The following RFPL2 variants were observed in gnomAD, a reference collection of about 807,000 sequenced individuals.
The protein encoded by RFPL2 is ret finger protein like 2.
In RFPL2, 13 loss-of-function variants were observed where a neutral mutation model predicts 17.8. That is an observed-to-expected ratio of 0.73 (90% confidence interval 0.47 to 1.16). The LOEUF is 1.16. Ranked by LOEUF, RFPL2 falls within the 50% of genes most tolerant of loss-of-function variation. RFPL2 has a pLI of 0.00. For missense variants in RFPL2, 431 were observed against 479.3 expected, an observed-to-expected ratio of 0.90 and a Z score of 0.94; for synonymous variants, 189 against 180.9, an observed-to-expected ratio of 1.04 and a Z score of -0.36.
intron 2 of RFPL2, among the ~76,000 whole-genome samples, chr22:32,194,890 A>G (rs1363830014): frequency 2.0e-5 from 3 of 152,208 alleles, no homozygotes; most frequent in African/African-American, 7.2e-5. Context: ...CTTTGAAAAA[A>G]TTTCATAATT....
At position 32,191,299 on chromosome 22, in the gene RFPL2, C is replaced by G. The variant is rs142520857; in HGVS notation, c.610G>C (p.Asp204His). 1 of 1,613,738 alleles carries G rather than the reference C, an allele frequency of 6.2e-7. No homozygotes were observed. Among genetic ancestry groups the G allele is most frequent in the Non-Finnish European group, 8.5e-7 (1 of 1,179,776 alleles). The change falls in exon 5 of 5, where the codon GAC (aspartate) becomes CAC (histidine). Residue 204 changes from aspartate to histidine, a missense_variant. By Grantham distance (81) the Asp-to-His change is moderately conservative. Coordinates refer to ENST00000652607, the MANE Select transcript of RFPL2 (RefSeq NM_001394555.1). ...CGCCCACTTCGGACGCTCCTGAGGTCGTCAGAAATGAGGAGGAAGTTGTTG... is the reference window on the plus strand; with the variant it reads ...CGCCCACTTCGGACGCTCCTGAGGTGGTCAGAAATGAGGAGGAAGTTGTTG... The part of the protein sequence containing the change: ...TANNFLLISD[D>H]LRSVRSGRIR...
At chr22:32,199,175 C>T (rs534772105) in intron 2 of RFPL2, among the ~76,000 whole-genome samples, 2 of 152,200 alleles carry the variant, frequency 1.3e-5, no homozygotes, top group South Asian at 4.2e-4. Context: ...TCTGTGCTGG[C>T]CTGGGACTCA....
chr22:32,202,793 A>G, intron 1 of RFPL2: 1 of 1,084,456 alleles, frequency 9.2e-7, no homozygotes. Context: ...AAGCAGGAGC[A>G]GCAGAAACTC....
intron 2 of RFPL2, among the ~76,000 whole-genome samples, chr22:32,196,961 G>A (rs1238234154): frequency 6.6e-6 from 1 of 152,192 alleles, no homozygotes; most frequent in East Asian, 1.9e-4. Context: ...GGTTTGAGAT[G>A]TTCCATATTT....
chr22:32,194,395 A>G lies in RFPL2; in HGVS notation c.215T>C (p.Leu72Pro). Residue 72 changes from leucine to proline, a missense_variant, in exon 3 of 5, where the codon CTG (leucine) becomes CCG (proline). Coordinates refer to ENST00000652607, the MANE Select transcript of RFPL2 (RefSeq NM_001394555.1). ...RPSCAPSPQDLSAQWKQLEDR... is the reference protein window; with the variant it reads ...RPSCAPSPQDPSAQWKQLEDR... Reference sequence around the variant, plus strand: ...CTCCAGCTGCTTCCACTGGGCGCTCAGGTCTTGTGGGGAAGGGGCACACGA... The same window carrying G: ...CTCCAGCTGCTTCCACTGGGCGCTCGGGTCTTGTGGGGAAGGGGCACACGA... 6.2e-7 allele frequency: 1 copy of G among 1,607,508 alleles called. No individual in the cohort carries two copies. The highest frequency in any genetic ancestry group is 8.5e-7 in the Non-Finnish European group (1 of 1,178,332).
rs113173037 is a variant in RFPL2, at chr22:32,198,496, G to A, written c.119+3837C>T. Among the ~76,000 whole-genome samples the A allele has an allele frequency of 5.8e-3, 869 of 149,182 alleles. 9 individuals carry two copies. The highest frequency in any genetic ancestry group is 0.019 in the African/African-American group (785 of 40,886). ...GCAAGTGGGGGCTGGGGAGGGGGGC[G>A]TAGGGGGTCCTAGGGAGTAGATTTT... On this transcript the variant is annotated intron_variant, in intron 2 of 4. Coordinates refer to ENST00000652607, the MANE Select transcript of RFPL2 (RefSeq NM_001394555.1).
In RFPL2 at chr22:32,202,835, G is replaced by C. The variant is rs574163566; in HGVS notation, c.-99-285C>G. Reference sequence around the variant, plus strand: ...AGCCAGCCCTCCCCACCCAAGTGCCGGTTCCCGTTCCTGATGCCTCCTCCA... The same window carrying C: ...AGCCAGCCCTCCCCACCCAAGTGCCCGTTCCCGTTCCTGATGCCTCCTCCA... On this transcript the variant is annotated intron_variant, in intron 1 of 4. Transcript: ENST00000652607. The C allele has an allele frequency of 1.1e-4, 121 of 1,056,646 alleles. 1 individual carries two copies. The South Asian group carries it at 3.5e-3, about 31-fold the overall frequency. 65.5% of individuals were successfully genotyped at this position (1,056,646 alleles called of 1,614,324 possible).
In RFPL2 at chr22:32,195,701, G is replaced by A. The variant is rs62239004; in HGVS notation, c.120-1211C>T. Among the ~76,000 whole-genome samples, 930 of 151,474 alleles carry A rather than the reference G, an allele frequency of 6.1e-3. 5 individuals are homozygous for A. The highest frequency in any genetic ancestry group is 9.6e-3 in the Non-Finnish European group (653 of 67,856). On this transcript the variant is annotated intron_variant, in intron 2 of 4. Transcript: ENST00000652607. Reference sequence around the variant, plus strand: ...TTGAACTCCTGACTTCAGGTAACCCGCCCGCCTTGGCCTCCCAAAATGCTG... The same window carrying A: ...TTGAACTCCTGACTTCAGGTAACCCACCCGCCTTGGCCTCCCAAAATGCTG...
chr22:32,201,230 G>A (rs1923890723), intron 2 of RFPL2, among the ~76,000 whole-genome samples: 1 of 152,004 alleles, frequency 6.6e-6, no homozygotes, highest in African/African-American at 2.4e-5. Context: ...AGTAGAGACG[G>A]GGTTTCACCA....
chr22:32,199,556 G>T (rs995913257), intron 2 of RFPL2, among the ~76,000 whole-genome samples: 4 of 152,196 alleles, frequency 2.6e-5, no homozygotes, highest in Non-Finnish European at 2.9e-5. Context: ...GGTGAGAAAA[G>T]TTCCCAGACT....
At chr22:32,202,636 C>T in intron 1 of RFPL2, 86 bp from the exon 2 acceptor site, 2 of 1,418,844 alleles carry the variant, frequency 1.4e-6, no homozygotes, top group Non-Finnish European at 1.8e-6. Context: ...AGCGAAGGTA[C>T]TCACACCCAC....
At chr22:32,202,309 G>A (rs756058612) in intron 2 of RFPL2, 24 bp downstream of exon 2, 12 of 1,570,426 alleles carry the variant, frequency 7.6e-6, no homozygotes, top group East Asian at 4.7e-5. Flanking sequence ...GGAGCAATGC[G>A]GAAAACCCAG....
chr22:32,193,584 G>T lies in RFPL2; in HGVS notation c.266-392C>A, dbSNP rs996105973. On this transcript the variant is annotated intron_variant, in intron 3 of 4. Transcript: ENST00000652607. ...CATAAGAATTAGGGGCTGGGAGGCC[G>T]GGCACGATGGCTCATGCCTGTCCAG... 5.3e-5 allele frequency: 54 copies of T among 1,016,758 alleles called. No homozygotes were observed. In the Middle Eastern group the frequency reaches 1.2e-3, roughly 22 times the overall value. 63.0% of individuals were successfully genotyped at this position (1,016,758 alleles called of 1,614,324 possible).
At chr22:32,197,846 C>G (rs984837718) in intron 2 of RFPL2, among the ~76,000 whole-genome samples, 17 of 152,176 alleles carry the variant, frequency 1.1e-4, no homozygotes, top group African/African-American at 4.1e-4. Context: ...TTAGAGATCA[C>G]ACTCCGGCTG....
chr22:32,193,107 T>G lies in RFPL2; in HGVS notation c.351A>C (p.Gly117=), dbSNP rs1341296076. 1 of 1,613,936 alleles carries G rather than the reference T, an allele frequency of 6.2e-7. No individual in the cohort carries two copies. The highest frequency in any genetic ancestry group is 8.5e-7 in the Non-Finnish European group (1 of 1,179,852). ...TAATGCACTTGAGGCAGACGGCGCA[T>G]CCACACTCCAGGGACATTGGTTTTT... The part of the protein sequence containing the change: ...YLEKPMSLEC[G]CAVCLKCINS... Residue 117 remains glycine (G), a synonymous_variant, in exon 4 of 5, where the codon GGA becomes GGC. Coordinates refer to ENST00000652607, the MANE Select transcript of RFPL2 (RefSeq NM_001394555.1).
In RFPL2 at chr22:32,203,858, C is replaced by T. The variant is rs557669119; in HGVS notation, c.-100+849G>A. 4.5e-4 allele frequency among the ~76,000 whole-genome samples: 68 copies of T among 151,694 alleles called. No homozygotes were observed. In the South Asian group the frequency reaches 0.013, roughly 30 times the overall value. On this transcript the variant is annotated intron_variant, in intron 1 of 4. Coordinates refer to ENST00000652607, the MANE Select transcript of RFPL2 (RefSeq NM_001394555.1). Reference sequence around the variant, plus strand: ...GGGAAATGACGCCCGGGATAACGCACCCAACCCTCCCCCGCCATGAGCAAT... The same window carrying T: ...GGGAAATGACGCCCGGGATAACGCATCCAACCCTCCCCCGCCATGAGCAAT...
chr22:32,190,639 TA>T lies in RFPL2; in HGVS notation c.*132del. The T allele has an allele frequency of 2.2e-6, 2 of 893,626 alleles. No homozygotes were observed. Among genetic ancestry groups the T allele is most frequent in the East Asian group, 5.2e-5 (2 of 38,414 alleles). The allele number at this position is 893,626 out of a possible 1,614,324, so 55.4% of individuals were successfully genotyped here. On this transcript the variant is annotated 3_prime_UTR_variant, in exon 5 of 5. Transcript: ENST00000652607. ...ACTCTATAATCTAATCAAATTAGAT[TA>T]AGTACAATCAAGAAATGTCCCATAT...
intron 2 of RFPL2, among the ~76,000 whole-genome samples, chr22:32,201,386 A>G (rs1383451794): frequency 6.6e-6 from 1 of 151,902 alleles, no homozygotes; most frequent in Non-Finnish European, 1.5e-5. Context: ...GGTCAAGGAG[A>G]GTTGGTTTTC....
chr22:32,204,378 A>G (rs1305211819), intron 1 of RFPL2, among the ~76,000 whole-genome samples: 1 of 152,036 alleles, frequency 6.6e-6, no homozygotes, highest in East Asian at 1.9e-4. Flanking sequence ...ACGTCCGGTA[A>G]AGCACCCAAC....
Sources: allele counts gnomAD v4.1 joint callset (sites outside exome capture counted in the v4.1 genomes callset), GRCh38; gene constraint gnomAD v4.1.1; transcripts MANE v1.5; gene names NCBI Gene and HGNC (gene_info 2026-07-23, HGNC 2026-07-21).